The following KIAA1217 variants were observed in gnomAD, a reference collection of about 807,000 sequenced individuals.
KIAA1217 encodes the protein sickle tail protein homolog.
In KIAA1217, 88 loss-of-function variants were observed where a neutral mutation model predicts 163.9. The ratio of observed to expected loss-of-function variants is 0.54; its 90% CI spans 0.45 to 0.64. The LOEUF (loss-of-function observed/expected upper bound fraction) is 0.64, where lower values mean the gene tolerates loss of function less well. Ranked by LOEUF, KIAA1217 falls within the 30% of genes least tolerant of loss-of-function variation. The pLI, the probability that KIAA1217 is intolerant of heterozygous loss-of-function variation, is 0.00. For synonymous variants in KIAA1217, 903 were observed against 923.1 expected (o/e 0.98, Z 0.39); for missense variants, 2,372 against 2,475.0 (o/e 0.96, Z 0.88).
intron 2 of KIAA1217, among the ~76,000 whole-genome samples, chr10:24,274,244 A>T (rs995124436): frequency 2.0e-5 from 3 of 152,064 alleles, no homozygotes; most frequent in African/African-American, 7.2e-5. Context: ...AATGGCTCAC[A>T]CCTATAATCC....
chr10:24,353,475 T>G lies in KIAA1217; in HGVS notation c.355-27394T>G, dbSNP rs894352924. Among the ~76,000 whole-genome samples the G allele has an allele frequency of 4.6e-5, 7 of 152,198 alleles. No homozygotes were observed. The East Asian group carries it at 1.3e-3, about 29-fold the overall frequency. The stretch of plus-strand genomic sequence containing the variant: ...TCTCCTGGAAGAGCACTTGGTAATC[T>G]TCTTAAATGCTTTTTGAAAGCCTTT... On this transcript the variant is annotated intron_variant, in intron 2 of 20. Coordinates refer to ENST00000376454, the MANE Select transcript of KIAA1217 (RefSeq NM_019590.5).
At chr10:24,043,555 C>T (rs78132129) in intron 2 of KIAA1217, among the ~76,000 whole-genome samples, 4 of 152,116 alleles carry the variant, frequency 2.6e-5, no homozygotes, top group Non-Finnish European at 4.4e-5. Context: ...AAAACAGAGA[C>T]CAAAATGCTT....
chr10:24,466,160 G>A (rs935332919), intron 5 of KIAA1217, among the ~76,000 whole-genome samples: 1 of 151,956 alleles, frequency 6.6e-6, no homozygotes, highest in African/African-American at 2.4e-5. Context: ...AGCAAAGTGG[G>A]TATTGGGTGC....
At chr10:23,789,813 C>A (rs1835655179) in intron 1 of KIAA1217, among the ~76,000 whole-genome samples, 1 of 151,266 alleles carries the variant, frequency 6.6e-6, no homozygotes, top group African/African-American at 2.4e-5. Flanking sequence ...AGTGCATGGT[C>A]ATAGGTGATA....
At chr10:23,988,411 G>A (rs1258250678) in intron 1 of KIAA1217, among the ~76,000 whole-genome samples, 1 of 152,202 alleles carries the variant, frequency 6.6e-6, no homozygotes, top group Non-Finnish European at 1.5e-5. Flanking sequence ...CTTAAAGCTA[G>A]TAGCAAATTT....
intron 2 of KIAA1217, among the ~76,000 whole-genome samples, chr10:24,095,061 A>T (rs2131697738): frequency 6.6e-6 from 1 of 152,234 alleles, no homozygotes; most frequent in East Asian, 1.9e-4. Flanking sequence ...TATTCTTCTG[A>T]TGCGCCGTTT....
At chr10:24,137,132 T>G (rs1440531593) in intron 2 of KIAA1217, among the ~76,000 whole-genome samples, 1 of 152,222 alleles carries the variant, frequency 6.6e-6, no homozygotes, top group Non-Finnish European at 1.5e-5. Flanking sequence ...GAGAGGACAT[T>G]GGCAACTATT....
intron 1 of KIAA1217, among the ~76,000 whole-genome samples, chr10:23,869,901 C>T (rs1438857901): frequency 6.6e-6 from 1 of 152,064 alleles, no homozygotes; most frequent in Admixed American, 6.6e-5. Flanking sequence ...TGAGTGCATT[C>T]TGAGAAAGGA....
Position 24,088,539 on chromosome 10 carries a change from T to C in KIAA1217, c.-171+81165T>C, listed in dbSNP as rs540611770. ...CAATTCCCACCTATGACTGAGAACATGCGGTGTTTGGTTTTTTGTCCTTGC... is the reference window on the plus strand; with the variant it reads ...CAATTCCCACCTATGACTGAGAACACGCGGTGTTTGGTTTTTTGTCCTTGC... On this transcript the variant is annotated intron_variant, in intron 2 of 18. Transcript: ENST00000376462. Among the ~76,000 whole-genome samples the C allele has an allele frequency of 6.2e-5, 7 of 112,742 alleles. 1 individual carries two copies. In the South Asian group the frequency reaches 2.3e-3, roughly 38 times the overall value. 74.0% of individuals were successfully genotyped at this position (112,742 alleles called of 152,430 possible).
chr10:23,775,134 AGCT>A, intron 1 of KIAA1217, among the ~76,000 whole-genome samples: 1 of 152,154 alleles, frequency 6.6e-6, no homozygotes, highest in Non-Finnish European at 1.5e-5. Context: ...GTCCATTAAA[AGCT>A]GCTGCCCTTA....
chr10:24,364,972 T>C (rs1193915641), intron 2 of KIAA1217, among the ~76,000 whole-genome samples: 2 of 151,920 alleles, frequency 1.3e-5, no homozygotes, highest in African/African-American at 4.8e-5. Context: ...CTAAATTTTT[T>C]CTTTCATCTT....
At chr10:24,442,633 G>T (rs992960934) in intron 5 of KIAA1217, among the ~76,000 whole-genome samples, 1 of 152,100 alleles carries the variant, frequency 6.6e-6, no homozygotes, top group Admixed American at 6.5e-5. Flanking sequence ...GAATGGAGGG[G>T]CTATGATAGG....
intron 2 of KIAA1217, among the ~76,000 whole-genome samples, chr10:24,315,258 G>A (rs756181020): frequency 1.3e-5 from 2 of 152,138 alleles, no homozygotes; most frequent in Non-Finnish European, 2.9e-5. Flanking sequence ...AAAAGAAAAG[G>A]AAGATGGAAC....
chr10:24,235,984 G>A lies in KIAA1217; in HGVS notation c.354+16075G>A, dbSNP rs115919138. 4.1e-3 allele frequency among the ~76,000 whole-genome samples: 630 copies of A among 152,138 alleles called. 6 individuals carry two copies. The highest frequency in any genetic ancestry group is 0.014 in the African/African-American group (598 of 41,516). ...TACAGGTGTTTTGGGTTTAAATCTC[G>A]GGTCAGCCTGAGTTCAAATCTCAGC... On this transcript the variant is annotated intron_variant, in intron 2 of 20. Coordinates refer to ENST00000376454, the MANE Select transcript of KIAA1217 (RefSeq NM_019590.5).
intron 6 of KIAA1217, among the ~76,000 whole-genome samples, chr10:24,485,213 G>A (rs1173403810): frequency 6.6e-6 from 1 of 151,950 alleles, no homozygotes; most frequent in African/African-American, 2.4e-5. Context: ...AAGTGAGGCT[G>A]GATTTCTGTG....
intron 5 of KIAA1217, among the ~76,000 whole-genome samples, chr10:24,451,208 C>T (rs2061349522): frequency 6.6e-6 from 1 of 152,178 alleles, no homozygotes. Context: ...AAAAATGTTT[C>T]CATAGGACAG....
At chr10:23,919,291 A>T (rs1842754587) in intron 1 of KIAA1217, among the ~76,000 whole-genome samples, 1 of 151,762 alleles carries the variant, frequency 6.6e-6, no homozygotes, top group African/African-American at 2.4e-5. Context: ...CACCCCACTA[A>T]ATCTCAATTC....
chr10:23,905,184 CT>C (rs66510256), intron 1 of KIAA1217, among the ~76,000 whole-genome samples: 144,065 of 145,982 alleles, frequency 0.99, 71,101 homozygotes, highest in East Asian at 1. Flanking sequence ...GAAGGGGCTG[CT>C]TTTTTTTTTT....
chr10:24,066,786 G>C (rs1022471793), intron 2 of KIAA1217, among the ~76,000 whole-genome samples: 5 of 152,190 alleles, frequency 3.3e-5, no homozygotes, highest in Non-Finnish European at 7.3e-5. Flanking sequence ...ACACCAATTA[G>C]ACGTAGATTT....
Sources: gnomAD v4.1 joint callset for allele counts (sites outside exome capture counted in the v4.1 genomes callset) on GRCh38, gnomAD v4.1.1 for gene constraint, MANE v1.5 for transcripts, NCBI Gene and HGNC (gene_info 2026-07-23, HGNC 2026-07-21) for gene names.